RHBDD1: variants seen among roughly 807,000 people sequenced by gnomAD.
RHBDD1 encodes rhomboid-related protein 4.
RHBDD1 carries 38 observed loss-of-function variants against 36.3 expected under a neutral mutation model. The observed-to-expected ratio is 1.05, with a 90% CI of 0.81 to 1.37. The LOEUF (loss-of-function observed/expected upper bound fraction) is 1.37, where lower values mean the gene tolerates loss of function less well. RHBDD1 is among the 40% of genes most tolerant of loss of function. The probability of loss-of-function intolerance (pLI) is 0.00; values close to 1 mark genes in which losing one functional copy is unlikely to be tolerated. For missense variants in RHBDD1, 393 were observed against 377.6 expected, an observed-to-expected ratio of 1.04 and a Z score of -0.34; for synonymous variants, 151 against 136.5, an observed-to-expected ratio of 1.11 and a Z score of -0.74.
In RHBDD1 at chr2:226,911,541, C is replaced by CTT. The variant is rs869309466; in HGVS notation, c.713-2646_713-2645dup. ...TACCATTTGTCCTCATGTGAAAGTTCTTTTTTTTTTTTTTTTTTTTTTAAT... is the reference window on the plus strand; with the variant it reads ...TACCATTTGTCCTCATGTGAAAGTTCTTTTTTTTTTTTTTTTTTTTTTTTAAT... On this transcript the variant is annotated intron_variant, in intron 7 of 8. Transcript: ENST00000392062. 2.1e-3 allele frequency among the ~76,000 whole-genome samples: 153 copies of CTT among 71,396 alleles called. 1 individual carries two copies. Among genetic ancestry groups the CTT allele is most frequent in the African/African-American group, 5.6e-3 (126 of 22,314 alleles). The allele number at this position is 71,396 out of a possible 152,430, so 46.8% of individuals were successfully genotyped here. A position where few individuals can be genotyped will look rare whatever the true frequency, so the allele number is the denominator to read the frequency against.
chr2:226,824,231 C>A, the RHBDD1 span, among the ~76,000 whole-genome samples: 1 of 151,982 alleles, frequency 6.6e-6, no homozygotes, highest in East Asian at 1.9e-4. Flanking sequence ...TTGAAGAATA[C>A]ACAAGAATTC....
chr2:226,899,292 AATCT>A (rs1226385331), intron 5 of RHBDD1, among the ~76,000 whole-genome samples: 6 of 152,218 alleles, frequency 3.9e-5, no homozygotes, highest in Non-Finnish European at 8.8e-5. Flanking sequence ...ATAATATCTT[AATCT>A]TAGTTTTGCT....
At chr2:226,880,259 A>ACTGT (rs1468562988) in intron 5 of RHBDD1, among the ~76,000 whole-genome samples, 2 of 152,184 alleles carry the variant, frequency 1.3e-5, no homozygotes, top group Non-Finnish European at 2.9e-5. Context: ...ACATTCCAGG[A>ACTGT]CTGTCCCAAG....
intron 8 of RHBDD1, among the ~76,000 whole-genome samples, chr2:226,971,240 G>A (rs1328202707): frequency 1.3e-5 from 2 of 152,152 alleles, no homozygotes; most frequent in African/African-American, 4.8e-5. Context: ...GCAGAACCGA[G>A]GCAGGTGCTT....
In RHBDD1 at chr2:226,988,472, C is replaced by T. The variant is rs1957485496; in HGVS notation, c.857-6959C>T. On this transcript the variant is annotated intron_variant, in intron 8 of 8. Transcript: ENST00000392062. Reference sequence around the variant, plus strand: ...AGGAATCCTTTGAGGCTGCAGGGTCCCTGTAGTGGAGTTGAGCAAAGACTC... The same window carrying T: ...AGGAATCCTTTGAGGCTGCAGGGTCTCTGTAGTGGAGTTGAGCAAAGACTC... 1.9e-6 allele frequency: 3 copies of T among 1,545,782 alleles called. No homozygotes were observed. The African/African-American group carries it at 4.1e-5, about 21-fold the overall frequency.
chr2:226,972,287 C>T (rs918280546), intron 8 of RHBDD1, among the ~76,000 whole-genome samples: 1 of 152,130 alleles, frequency 6.6e-6, no homozygotes, highest in Admixed American at 6.6e-5. Flanking sequence ...CATAGTATTC[C>T]ATGGTGTATA....
At chr2:226,828,233 G>A in the RHBDD1 span, among the ~76,000 whole-genome samples, 1 of 152,144 alleles carries the variant, frequency 6.6e-6, no homozygotes, top group Non-Finnish European at 1.5e-5. Flanking sequence ...AGACTTTTGG[G>A]TTTGATTTCT....
chr2:226,892,450 T>C (rs544001613), intron 5 of RHBDD1, among the ~76,000 whole-genome samples: 10 of 152,360 alleles, frequency 6.6e-5, no homozygotes, highest in African/African-American at 2.4e-4. Flanking sequence ...ACTTTCATCA[T>C]CTTTGGCCAT....
At chr2:226,923,157 C>A (rs905088814) in intron 8 of RHBDD1, among the ~76,000 whole-genome samples, 21 of 152,136 alleles carry the variant, frequency 1.4e-4, no homozygotes, top group African/African-American at 4.6e-4. Context: ...CATTAACATC[C>A]TTTTCTTTCA....
At chr2:226,821,245 G>A in the RHBDD1 span, among the ~76,000 whole-genome samples, 1 of 152,290 alleles carries the variant, frequency 6.6e-6, no homozygotes, top group Middle Eastern at 3.4e-3. Context: ...TTAGGCTAGA[G>A]CTGGGACTGA....
intron 8 of RHBDD1, among the ~76,000 whole-genome samples, chr2:226,945,176 A>AT: frequency 6.7e-6 from 1 of 149,884 alleles, no homozygotes. Context: ...TATTATTATT[A>AT]TACTTTAAGT....
chr2:226,859,717 C>A (rs1346414264), intron 3 of RHBDD1, among the ~76,000 whole-genome samples: 1 of 152,114 alleles, frequency 6.6e-6, no homozygotes, highest in African/African-American at 2.4e-5. Flanking sequence ...GATGCAGAGA[C>A]GAGCTTGAGA....
chr2:226,873,753 A>G (rs574144078), intron 5 of RHBDD1, among the ~76,000 whole-genome samples: 4 of 152,332 alleles, frequency 2.6e-5, no homozygotes, highest in Non-Finnish European at 4.4e-5. Flanking sequence ...TGCTGGTGAC[A>G]TGGCCCTGAG....
chr2:226,801,219 G>C, the RHBDD1 span, among the ~76,000 whole-genome samples: 2 of 152,210 alleles, frequency 1.3e-5, no homozygotes, highest in Admixed American at 6.5e-5. Flanking sequence ...CGGGCCGCGG[G>C]GGAGCGCGCC....
intron 8 of RHBDD1, among the ~76,000 whole-genome samples, chr2:226,948,256 T>C (rs2149201304): frequency 6.7e-6 from 1 of 148,396 alleles, no homozygotes; most frequent in South Asian, 2.2e-4. Flanking sequence ...GATGAGTTCA[T>C]GTCCTTTGTA....
chr2:226,867,523 CT>C, intron 5 of RHBDD1: 1 of 955,218 alleles, frequency 1.0e-6, no homozygotes, highest in Non-Finnish European at 1.2e-6. Flanking sequence ...TTTTGGGTCA[CT>C]TGTCTTAACT....
At chr2:226,974,109 G>A (rs1425844180) in intron 8 of RHBDD1, among the ~76,000 whole-genome samples, 1 of 152,208 alleles carries the variant, frequency 6.6e-6, no homozygotes, top group East Asian at 1.9e-4. Flanking sequence ...AGCACTCGGT[G>A]TAACACTTCA....
the RHBDD1 span, among the ~76,000 whole-genome samples, chr2:226,815,561 T>C: frequency 6.6e-6 from 1 of 152,228 alleles, no homozygotes; most frequent in Non-Finnish European, 1.5e-5. Context: ...TTTTATATTG[T>C]ATTAATTGAA....
intron 5 of RHBDD1, among the ~76,000 whole-genome samples, chr2:226,879,008 CA>C (rs1945479515): frequency 7.5e-6 from 1 of 134,166 alleles, no homozygotes; most frequent in African/African-American, 2.9e-5. Context: ...CAGTGGTTTT[CA>C]ACTGTGGGTT....
Sources: allele counts gnomAD v4.1 joint callset (sites outside exome capture counted in the v4.1 genomes callset), GRCh38; gene constraint gnomAD v4.1.1; transcripts MANE v1.5; gene names NCBI Gene and HGNC (gene_info 2026-07-23, HGNC 2026-07-21).